The following KANSL1 variants were observed in gnomAD, a reference collection of about 807,000 sequenced individuals.
KANSL1 encodes KAT8 regulatory NSL complex subunit 1.
KANSL1 carries 22 observed loss-of-function variants against 103.6 expected under a neutral mutation model. The ratio of observed to expected loss-of-function variants is 0.21; its 90% confidence interval spans 0.15 to 0.30. The LOEUF is 0.30. Among genes scored for constraint, KANSL1 ranks in the 10% least tolerant of loss-of-function variants. The pLI, the probability that KANSL1 is intolerant of heterozygous loss-of-function variation, is 1.00. For missense variants in KANSL1, 1,337 were observed against 1,399.8 expected (o/e 0.96, Z 0.72); for synonymous variants, 600 against 527.6 (o/e 1.14, Z -1.88).
intron 6 of KANSL1, among the ~76,000 whole-genome samples, chr17:46,058,399 CACCTG>C: frequency 6.6e-6 from 1 of 152,290 alleles, no homozygotes; most frequent in Non-Finnish European, 1.5e-5. Flanking sequence ...GCCAACTCCT[CACCTG>C]ACCTAACAAA....
intron 10 of KANSL1, chr17:46,038,087 C>T (rs191732019): frequency 5.4e-4 from 86 of 160,592 alleles, no homozygotes; most frequent in Non-Finnish European, 8.2e-5. Flanking sequence ...TACTTCACCT[C>T]CACTCACCCA....
At chr17:46,116,800 T>C (rs962205864) in intron 2 of KANSL1, among the ~76,000 whole-genome samples, 1 of 152,200 alleles carries the variant, frequency 6.6e-6, no homozygotes, top group Non-Finnish European at 1.5e-5. Context: ...TGAATAAAAG[T>C]TGCATTACTT....
intron 2 of KANSL1, among the ~76,000 whole-genome samples, chr17:46,151,431 C>A (rs933413835): frequency 1.3e-5 from 2 of 152,240 alleles, no homozygotes; most frequent in African/African-American, 4.8e-5. Flanking sequence ...CTCAGAGAGG[C>A]TTTCCCTGAC....
intron 6 of KANSL1, among the ~76,000 whole-genome samples, chr17:46,056,204 G>C (rs993493250): frequency 3.9e-5 from 6 of 152,154 alleles, no homozygotes; most frequent in Non-Finnish European, 8.8e-5. Context: ...TCGCCATGCT[G>C]GCAAGGTTGG....
At chr17:46,155,280 C>T (rs1296459426) in intron 2 of KANSL1, among the ~76,000 whole-genome samples, 2 of 151,320 alleles carry the variant, frequency 1.3e-5, no homozygotes, top group Non-Finnish European at 2.9e-5. Context: ...GCCTCAACTT[C>T]CCAAGTAGCT....
intron 2 of KANSL1, among the ~76,000 whole-genome samples, chr17:46,117,669 G>C (rs2043103474): frequency 6.6e-6 from 1 of 152,146 alleles, no homozygotes. Context: ...TACAAAGACT[G>C]ATGGATCTGA....
chr17:46,218,049 G>A (rs2048396260), intron 1 of KANSL1, among the ~76,000 whole-genome samples: 1 of 152,172 alleles, frequency 6.6e-6, no homozygotes, highest in Non-Finnish European at 1.5e-5. Flanking sequence ...AATACACACA[G>A]GGAGAACTCT....
At chr17:46,134,223 C>G (rs549771937) in intron 2 of KANSL1, among the ~76,000 whole-genome samples, 1 of 151,912 alleles carries the variant, frequency 6.6e-6, no homozygotes, top group East Asian at 2.0e-4. Context: ...CATTGAGAAA[C>G]CTTGTCTCTA....
At position 46,033,469 on chromosome 17, in the gene KANSL1, C is replaced by T. The variant is rs754301176; in HGVS notation, c.2667-9G>A. ...GATCAACCTCCCGCCAGCTGCAAAACCAAGAACAGACAATCATGAGATGGC... is the reference window on the plus strand; with the variant it reads ...GATCAACCTCCCGCCAGCTGCAAAATCAAGAACAGACAATCATGAGATGGC... On this transcript the variant is annotated splice_polypyrimidine_tract_variant and intron_variant, in intron 11 of 14. Coordinates refer to ENST00000432791, the MANE Select transcript of KANSL1 (RefSeq NM_015443.4). 1.2e-6 allele frequency: 2 copies of T among 1,613,742 alleles called. No individual in the cohort carries two copies. The highest frequency in any genetic ancestry group is 1.7e-6 in the Non-Finnish European group (2 of 1,179,766).
intron 1 of KANSL1, among the ~76,000 whole-genome samples, chr17:46,178,967 T>G (rs1481114968): frequency 1.3e-5 from 2 of 152,218 alleles, no homozygotes; most frequent in South Asian, 2.1e-4. Context: ...CAAGTGGCAC[T>G]TGGGAAGCAA....
At chr17:46,040,876 A>G (rs891215453) in intron 7 of KANSL1, 5 of 152,202 alleles carry the variant, frequency 3.3e-5, no homozygotes, top group African/African-American at 1.2e-4. Flanking sequence ...CTTAAATACA[A>G]TTTGTTAAGT....
chr17:46,140,824 G>C (rs1244192736), intron 2 of KANSL1, among the ~76,000 whole-genome samples: 1 of 152,190 alleles, frequency 6.6e-6, no homozygotes, highest in Non-Finnish European at 1.5e-5. Context: ...ACCACAATGA[G>C]ATACCACTTC....
intron 1 of KANSL1, among the ~76,000 whole-genome samples, chr17:46,177,359 C>A (rs1040196447): frequency 1.3e-5 from 2 of 152,222 alleles, no homozygotes; most frequent in Admixed American, 1.3e-4. Context: ...TTGCCATAAA[C>A]CACCACCTAA....
chr17:46,106,530 T>C (rs1598634073), intron 2 of KANSL1, among the ~76,000 whole-genome samples: 1 of 152,262 alleles, frequency 6.6e-6, no homozygotes, highest in East Asian at 1.9e-4. Flanking sequence ...GTAGCTGGGA[T>C]TACAGGCGTC....
At chr17:46,110,965 A>G (rs1386138855) in intron 2 of KANSL1, among the ~76,000 whole-genome samples, 1 of 152,258 alleles carries the variant, frequency 6.6e-6, no homozygotes, top group Non-Finnish European at 1.5e-5. Context: ...ATGCATAACT[A>G]AAGAGAACAT....
intron 2 of KANSL1, among the ~76,000 whole-genome samples, chr17:46,141,143 A>T (rs2044400210): frequency 6.6e-6 from 1 of 152,210 alleles, no homozygotes; most frequent in Non-Finnish European, 1.5e-5. Flanking sequence ...AAACTAAGTT[A>T]TGTAAGAACT....
chr17:46,077,606 G>A (rs1320344778), intron 4 of KANSL1, among the ~76,000 whole-genome samples: 2 of 152,128 alleles, frequency 1.3e-5, no homozygotes, highest in Non-Finnish European at 2.9e-5. Flanking sequence ...TGCCCAGGCT[G>A]CAGTGCAGTG....
Position 46,161,138 on chromosome 17 carries a change from G to C in KANSL1, c.1289+9717C>G, listed in dbSNP as rs369565860. On this transcript the variant is annotated intron_variant, in intron 2 of 14. Coordinates refer to ENST00000432791, the MANE Select transcript of KANSL1 (RefSeq NM_015443.4). ...TGGTTAAAAACGTTGTTCCCAGCAG[G>C]GCACAGTGGCTCACACCTGTAATCC... Among the ~76,000 whole-genome samples, 29 of 152,056 alleles carry C rather than the reference G, an allele frequency of 1.9e-4. No individual in the cohort carries two copies. The East Asian group carries it at 2.5e-3, about 13-fold the overall frequency.
intron 2 of KANSL1, among the ~76,000 whole-genome samples, chr17:46,143,329 AC>A (rs1419959807): frequency 1.3e-5 from 2 of 152,088 alleles, no homozygotes; most frequent in African/African-American, 2.4e-5. Flanking sequence ...CCCCGTCTCT[AC>A]TAAATACACC....
Sources: allele counts gnomAD v4.1 joint callset (sites outside exome capture counted in the v4.1 genomes callset), GRCh38; gene constraint gnomAD v4.1.1; transcripts MANE v1.5; gene names NCBI Gene and HGNC (gene_info 2026-07-23, HGNC 2026-07-21).